Variants in CHRM2 observed in about 807,000 individuals in gnomAD.
CHRM2 encodes muscarinic acetylcholine receptor M2.
Under a neutral mutation model 25.0 loss-of-function variants are expected in CHRM2, and 8 were observed. That is an observed-to-expected ratio of 0.32 (90% CI 0.19 to 0.58). The LOEUF (loss-of-function observed/expected upper bound fraction) is 0.58. CHRM2 is among the 20% of genes least tolerant of loss of function. The pLI, the probability that CHRM2 is intolerant of heterozygous loss-of-function variation, is 0.88. For missense variants in CHRM2, 440 were observed against 567.1 expected, an observed-to-expected ratio of 0.78 and a Z score of 2.28; for synonymous variants, 202 against 205.7, an observed-to-expected ratio of 0.98 and a Z score of 0.15.
At chr7:136,890,819 A>G (rs1410664413) in intron 2 of CHRM2, among the ~76,000 whole-genome samples, 1 of 151,988 alleles carries the variant, frequency 6.6e-6, no homozygotes, top group Admixed American at 6.6e-5. Context: ...ATATGGGTGT[A>G]TGTGTTTATA....
At chr7:136,887,366 C>A (rs969104127) in intron 2 of CHRM2, among the ~76,000 whole-genome samples, 2 of 151,732 alleles carry the variant, frequency 1.3e-5, no homozygotes, top group Admixed American at 6.6e-5. Context: ...ATAGTAACAA[C>A]ACATTGAGGA....
chr7:136,891,748 C>A (rs1354413304), intron 2 of CHRM2, among the ~76,000 whole-genome samples: 1 of 152,080 alleles, frequency 6.6e-6, no homozygotes, highest in Non-Finnish European at 1.5e-5. Context: ...AGAGTATATG[C>A]CCTATATTTT....
intron 2 of CHRM2, among the ~76,000 whole-genome samples, chr7:136,924,177 G>A (rs1482830644): frequency 6.6e-6 from 1 of 151,874 alleles, no homozygotes; most frequent in Non-Finnish European, 1.5e-5. Context: ...AATGTGGTAT[G>A]TACACACATT....
intron 2 of CHRM2, among the ~76,000 whole-genome samples, chr7:136,960,492 G>A (rs1452054420): frequency 6.6e-6 from 1 of 152,204 alleles, no homozygotes; most frequent in Non-Finnish European, 1.5e-5. Flanking sequence ...GACAAGGAAG[G>A]AGTCAAATAG....
At chr7:136,962,086 C>T (rs1034267847) in intron 2 of CHRM2, among the ~76,000 whole-genome samples, 1 of 151,912 alleles carries the variant, frequency 6.6e-6, no homozygotes, top group African/African-American at 2.4e-5. Context: ...TATATGACCA[C>T]ATTTTCATAA....
At chr7:136,874,338 T>C (rs141798161) in intron 2 of CHRM2, among the ~76,000 whole-genome samples, 212 of 152,292 alleles carry the variant, frequency 1.4e-3, no homozygotes, top group South Asian at 2.1e-3. Flanking sequence ...TATCTTTGTC[T>C]TACTTTATTT....
chr7:136,998,198 T>C (rs374111908), intron 3 of CHRM2, among the ~76,000 whole-genome samples: 20 of 152,248 alleles, frequency 1.3e-4, no homozygotes, highest in African/African-American at 4.3e-4. Flanking sequence ...GAAATGAAGA[T>C]ACAGATAGCA....
At chr7:136,887,591 A>G (rs558914944) in intron 2 of CHRM2, among the ~76,000 whole-genome samples, 1 of 152,326 alleles carries the variant, frequency 6.6e-6, no homozygotes, top group Non-Finnish European at 1.5e-5. Flanking sequence ...GTGAGTTAAG[A>G]GTGATGAGTC....
At chr7:136,892,667 A>C (rs1312042221) in intron 2 of CHRM2, among the ~76,000 whole-genome samples, 1 of 140,062 alleles carries the variant, frequency 7.1e-6, no homozygotes, top group Non-Finnish European at 1.5e-5. Flanking sequence ...TCTTATTAAA[A>C]GTTCTTTTTT....
intron 2 of CHRM2, among the ~76,000 whole-genome samples, chr7:136,919,154 C>G (rs1798285790): frequency 6.6e-6 from 1 of 152,074 alleles, no homozygotes; most frequent in South Asian, 2.1e-4. Context: ...GTTCAAGACA[C>G]TGTACGAAGA....
intron 2 of CHRM2, among the ~76,000 whole-genome samples, chr7:136,882,598 C>A (rs1319009568): frequency 2.0e-5 from 3 of 152,056 alleles, no homozygotes; most frequent in Non-Finnish European, 4.4e-5. Context: ...CTGTTGGTTT[C>A]ATAATACTGA....
At position 136,928,416 on chromosome 7, in the gene CHRM2, T is replaced by C. The variant is rs143546291; in HGVS notation, c.-125+58998T>C. Among the ~76,000 whole-genome samples the C allele has an allele frequency of 5.8e-3, 890 of 152,330 alleles. 7 individuals carry two copies. Among genetic ancestry groups the C allele is most frequent in the African/African-American group, 0.021 (860 of 41,576 alleles). The stretch of plus-strand genomic sequence containing the variant: ...GTAGATGTTTAATAATTTGTAGTGA[T>C]TATTTTCTGAATGTTAAGAGTGGAG... On this transcript the variant is annotated intron_variant, in intron 2 of 3. Coordinates refer to ENST00000680005, the MANE Select transcript of CHRM2 (RefSeq NM_001006630.2).
chr7:136,988,153 T>C (rs576542309), intron 2 of CHRM2, among the ~76,000 whole-genome samples: 1 of 151,786 alleles, frequency 6.6e-6, no homozygotes, highest in East Asian at 1.9e-4. Context: ...GGTTCTTTAA[T>C]AGATACATAT....
Position 136,975,527 on chromosome 7 carries a change from G to A in CHRM2, c.-124-16660G>A, listed in dbSNP as rs186585341. Among the ~76,000 whole-genome samples, 10 of 152,228 alleles carry A rather than the reference G, an allele frequency of 6.6e-5. No homozygotes were observed. The East Asian group carries it at 1.9e-3, about 29-fold the overall frequency. The stretch of plus-strand genomic sequence containing the variant: ...CATAGAATAAGATTTTACTTTTTAG[G>A]TTGGAAATACTAATCTGCAATTTCC... On this transcript the variant is annotated intron_variant, in intron 2 of 3. Transcript: ENST00000680005.
At chr7:136,912,083 C>A (rs1249424914) in intron 2 of CHRM2, among the ~76,000 whole-genome samples, 1 of 151,506 alleles carries the variant, frequency 6.6e-6, no homozygotes, top group Non-Finnish European at 1.5e-5. Context: ...AAAGACAGGT[C>A]TTAATTTTTA....
At chr7:136,938,687 C>A (rs545269997) in intron 2 of CHRM2, 29 of 775,406 alleles carry the variant, frequency 3.7e-5, no homozygotes, top group South Asian at 3.5e-4. Flanking sequence ...GGCCCAGGGG[C>A]CAGAGGTGGA....
intron 2 of CHRM2, among the ~76,000 whole-genome samples, chr7:136,970,946 A>T (rs1187298110): frequency 6.6e-6 from 1 of 152,180 alleles, no homozygotes; most frequent in Admixed American, 6.5e-5. Context: ...AACTTTTCCA[A>T]ATTTCAAAAC....
chr7:136,887,527 G>A (rs191738266), intron 2 of CHRM2, among the ~76,000 whole-genome samples: 80 of 152,226 alleles, frequency 5.3e-4, no homozygotes, highest in African/African-American at 1.8e-3. Flanking sequence ...GAAATACCCT[G>A]AGTGTCTGAC....
intron 2 of CHRM2, among the ~76,000 whole-genome samples, chr7:136,971,532 G>A (rs1477370599): frequency 6.6e-6 from 1 of 150,978 alleles, no homozygotes; most frequent in Non-Finnish European, 1.5e-5. Flanking sequence ...TGGGAGAATG[G>A]CTTGAACCCA....
Sources: gnomAD v4.1 joint callset for allele counts (sites outside exome capture counted in the v4.1 genomes callset) on GRCh38, gnomAD v4.1.1 for gene constraint, MANE v1.5 for transcripts, NCBI Gene and HGNC (gene_info 2026-07-23, HGNC 2026-07-21) for gene names.